The following ZFP91 variants were observed in gnomAD, a reference collection of about 807,000 sequenced individuals.
The protein encoded by ZFP91 is ZFP91 zinc finger protein, atypical E3 ubiquitin ligase, also known as E3 ubiquitin-protein ligase ZFP91.
ZFP91 carries 7 observed loss-of-function variants against 63.5 expected under a neutral mutation model. The ratio of observed to expected loss-of-function variants is 0.11; its 90% CI spans 0.06 to 0.21. The LOEUF (loss-of-function observed/expected upper bound fraction) is 0.21, where lower values mean the gene tolerates loss of function less well. Among genes scored for constraint, ZFP91 ranks in the 10% least tolerant of loss-of-function variants. ZFP91 has a pLI of 1.00. For missense variants in ZFP91, 628 were observed against 736.6 expected (o/e 0.85, Z 1.71); for synonymous variants, 330 against 272.1 (o/e 1.21, Z -2.10).
rs77084531 is a variant in ZFP91, at chr11:58,593,079, C to G, written c.370+8195C>G. ...TCATGAGGGATCCACCCCCATTACA[C>G]AAACACCTCCCACATCCAATATTAG... is the stretch of plus-strand genomic sequence containing the variant. On this transcript the variant is annotated intron_variant, in intron 2 of 10. Coordinates refer to ENST00000316059, the MANE Select transcript of ZFP91 (RefSeq NM_053023.5). Among the ~76,000 whole-genome samples, 807 of 152,348 alleles carry G rather than the reference C, an allele frequency of 5.3e-3. 6 individuals are homozygous for G. The highest frequency in any genetic ancestry group is 0.01 in the Admixed American group (156 of 15,304).
At chr11:58,612,252 TA>T (rs1855677461) in intron 6 of ZFP91, 25 bp from the exon 7 acceptor site, 1 of 1,612,412 alleles carries the variant, frequency 6.2e-7, no homozygotes. Flanking sequence ...AGAATATGTC[TA>T]CTGTTACCCT....
At chr11:58,585,514 C>G (rs1855192113) in intron 2 of ZFP91, among the ~76,000 whole-genome samples, 2 of 151,998 alleles carry the variant, frequency 1.3e-5, no homozygotes, top group South Asian at 4.1e-4. Context: ...GGCTGTGTTC[C>G]TTGATGTTAA....
At chr11:58,599,716 CTT>C (rs900053331) in intron 2 of ZFP91, among the ~76,000 whole-genome samples, 3 of 151,950 alleles carry the variant, frequency 2.0e-5, no homozygotes, top group African/African-American at 7.2e-5. Context: ...AATCCAAAGA[CTT>C]TATATATTTT....
rs990526715 is a variant in ZFP91 at position 58,619,944 on chromosome 11, C to G, written c.*2238C>G. On this transcript the variant is annotated 3_prime_UTR_variant, in exon 11 of 11. Transcript: ENST00000316059. Reference sequence around the variant, plus strand: ...TTTTTGTCACACTTATCCTTTGTCTCCGTAAATTTCATTTGCAGTGGTTAG... The same window carrying G: ...TTTTTGTCACACTTATCCTTTGTCTGCGTAAATTTCATTTGCAGTGGTTAG... 1 of 152,186 alleles carries G rather than the reference C, an allele frequency of 6.6e-6. No individual in the cohort carries two copies. The highest frequency in any genetic ancestry group is 2.4e-5 in the African/African-American group (1 of 41,438). The allele number at this position is 152,186 out of a possible 1,614,324, so 9.4% of individuals were successfully genotyped here.
In ZFP91 at chr11:58,616,830, C is replaced by T. The variant is rs764710463; in HGVS notation, c.1202+15C>T. On this transcript the variant is annotated intron_variant, in intron 10 of 10. Transcript: ENST00000316059. ...AAGCCATTACAGTGAGTATTATTTA[C>T]TGGTGAACATCTGGGTGAGAAGGAT... 8 of 1,610,176 alleles carry T rather than the reference C, an allele frequency of 5.0e-6. No homozygotes were observed. The highest frequency in any genetic ancestry group is 6.8e-6 in the Non-Finnish European group (8 of 1,176,762).
At chr11:58,605,592 T>C (rs2134412925) in intron 2 of ZFP91, among the ~76,000 whole-genome samples, 1 of 152,300 alleles carries the variant, frequency 6.6e-6, no homozygotes, top group Admixed American at 6.5e-5. Context: ...CACTTTGTTA[T>C]CACACTGCCT....
chr11:58,584,826 T>A (rs1855177447), intron 1 of ZFP91, 30 bp from the exon 2 acceptor site: 1 of 1,528,396 alleles, frequency 6.5e-7, no homozygotes, highest in Non-Finnish European at 8.8e-7. Context: ...GCTAGATTGT[T>A]CATTAATGTT....
intron 6 of ZFP91, 170 bp downstream of exon 6, chr11:58,611,908 T>C: frequency 1.4e-6 from 1 of 702,910 alleles, no homozygotes; most frequent in Non-Finnish European, 2.2e-6. Context: ...GAGAGACTCT[T>C]AGTAAAAAAA....
intron 2 of ZFP91, among the ~76,000 whole-genome samples, chr11:58,591,476 T>C (rs1401250955): frequency 6.6e-6 from 1 of 152,214 alleles, no homozygotes; most frequent in African/African-American, 2.4e-5. Context: ...AATTCACCCA[T>C]TTCAAATGTA....
chr11:58,589,666 AATCTTTT>A (rs1276714182), intron 2 of ZFP91, among the ~76,000 whole-genome samples: 1 of 152,140 alleles, frequency 6.6e-6, no homozygotes, highest in Middle Eastern at 3.2e-3. Flanking sequence ...CTTCCTTCCT[AATCTTTT>A]ATCTTAAGGT....
chr11:58,586,254 A>G (rs1264634089), intron 2 of ZFP91, among the ~76,000 whole-genome samples: 3 of 152,338 alleles, frequency 2.0e-5, no homozygotes, highest in South Asian at 2.1e-4. Flanking sequence ...AGAAATCACT[A>G]TGGGTTGCCT....
rs1855798260 is a variant in ZFP91 at position 58,618,817 on chromosome 11, T to C, written c.*1111T>C. ...TTTTGGAAGCCTTTTTAGGGAAGAATGTTAGGTTCATGGTAACTAGTATGC... is the reference window on the plus strand; with the variant it reads ...TTTTGGAAGCCTTTTTAGGGAAGAACGTTAGGTTCATGGTAACTAGTATGC... On this transcript the variant is annotated 3_prime_UTR_variant, in exon 11 of 11. Transcript: ENST00000316059. 1 of 416,312 alleles carries C rather than the reference T, an allele frequency of 2.4e-6. No homozygotes were observed. The allele number at this position is 416,312 out of a possible 1,614,324, so 25.8% of individuals were successfully genotyped here.
chr11:58,589,329 G>A (rs1196317834), intron 2 of ZFP91, among the ~76,000 whole-genome samples: 3 of 152,260 alleles, frequency 2.0e-5, no homozygotes, highest in Non-Finnish European at 4.4e-5. Flanking sequence ...CTCCCAAAGT[G>A]CTGGAATTTA....
intron 5 of ZFP91, 158 bp from the exon 6 acceptor site, chr11:58,611,446 T>G: frequency 1.0e-6 from 1 of 952,618 alleles, no homozygotes; most frequent in Non-Finnish European, 1.6e-6. Flanking sequence ...TTTGGATCAT[T>G]ACTATGCATG....
rs796951454 is a variant in ZFP91, at chr11:58,593,680, G to A, written c.370+8796G>A. Among the ~76,000 whole-genome samples the A allele has an allele frequency of 1.1e-4, 17 of 152,244 alleles. No individual in the cohort carries two copies. In the South Asian group the frequency reaches 2.5e-3, roughly 22 times the overall value. On this transcript the variant is annotated intron_variant, in intron 2 of 10. Coordinates refer to ENST00000316059, the MANE Select transcript of ZFP91 (RefSeq NM_053023.5). ...ATTCCCAATTTTATGTTTGTAGCCC[G>A]CCCTGTCCTTTGAACTTTAGGCCTG...
rs762757303 is a variant in ZFP91, at chr11:58,614,294, A to G, written c.1053A>G (p.Arg351=). ...KYVCPHPSCG[R]LFRLQKQLLR... is the part of the protein sequence containing the mutation. ...TATGTCCCCATCCCTCCTGTGGACG[A>G]CTCTTCAGGCTTCAGAAGCAACTTC... The change falls in exon 9 of 11, where the codon CGA becomes CGG. Residue 351 remains arginine (R), a synonymous_variant. Coordinates refer to ENST00000316059, the MANE Select transcript of ZFP91 (RefSeq NM_053023.5). 4.3e-6 allele frequency: 7 copies of G among 1,611,670 alleles called. No homozygotes were observed. Among genetic ancestry groups the G allele is most frequent in the Admixed American group, 1.7e-5 (1 of 59,858 alleles).
At position 58,617,129 on chromosome 11, in the gene ZFP91, T is replaced by C. The variant is rs964951269; in HGVS notation, c.1203-67T>C. ...ATATATATGCTCTAAACTCTAACCC[T>C]GATCCTGAATAAGAGCACTCTTTAT... On this transcript the variant is annotated intron_variant, in intron 10 of 10. Coordinates refer to ENST00000316059, the MANE Select transcript of ZFP91 (RefSeq NM_053023.5). This position sits in a 1 kb window ranked among gnomAD's most constrained non-coding sequence, Gnocchi z 4.2. 24 of 1,447,728 alleles carry C rather than the reference T, an allele frequency of 1.7e-5. No individual in the cohort carries two copies. The highest frequency in any genetic ancestry group is 2.2e-5 in the Non-Finnish European group (24 of 1,079,646). The allele number at this position is 1,447,728 out of a possible 1,614,324, so 89.7% of individuals were successfully genotyped here.
At chr11:58,580,038 TC>T (rs567853342) in intron 1 of ZFP91, among the ~76,000 whole-genome samples, 1 of 150,338 alleles carries the variant, frequency 6.7e-6, no homozygotes, top group African/African-American at 2.4e-5. Context: ...CAAAAATGAT[TC>T]CCCCCCGCCT....
Position 58,609,997 on chromosome 11 carries a change from C to T in ZFP91, c.538C>T (p.Leu180Phe). ...SSRSKTGSLQ[L>F]ICKSEPNTDQ... The stretch of plus-strand genomic sequence containing the variant: ...TCGGTCCAAGACCGGTTCATTGCAG[C>T]TCATTTGCAAGTCAGAACCAAATAC... The change falls in exon 3 of 11, where the codon CTC becomes TTC. Residue 180 changes from leucine to phenylalanine, a missense_variant. This residue lies in a region of ZFP91 where 437 missense variants were observed against 380.3 expected (regional missense o/e 1.15). Coordinates refer to ENST00000316059, the MANE Select transcript of ZFP91 (RefSeq NM_053023.5). The T allele has an allele frequency of 1.2e-6, 2 of 1,614,180 alleles. No individual in the cohort carries two copies. Among genetic ancestry groups the T allele is most frequent in the Non-Finnish European group, 1.7e-6 (2 of 1,180,024 alleles).
Sources: allele counts gnomAD v4.1 joint callset (sites outside exome capture counted in the v4.1 genomes callset), GRCh38; gene constraint gnomAD v4.1.1; regional missense constraint gnomAD v4.1.1; non-coding constraint Gnocchi (gnomAD v3.1); transcripts MANE v1.5; gene names NCBI Gene and HGNC (gene_info 2026-07-23, HGNC 2026-07-21).